SLC17A5: variants seen among roughly 807,000 people sequenced by gnomAD.
The protein encoded by SLC17A5 is solute carrier family 17 member 5.
A neutral mutation model predicts 59.4 loss-of-function variants in SLC17A5; 47 were observed. That is an observed-to-expected ratio of 0.79 (90% confidence interval 0.63 to 1.01). The LOEUF (loss-of-function observed/expected upper bound fraction) is 1.01, where lower values mean the gene tolerates loss of function less well. Among genes scored for constraint, SLC17A5 ranks in the 50% least tolerant of loss-of-function variants. SLC17A5 has a pLI of 0.00. For missense variants in SLC17A5, 522 were observed against 595.5 expected (o/e 0.88, Z 1.28); for synonymous variants, 202 against 210.7 (o/e 0.96, Z 0.36).
chr6:73,608,165 C>A (rs1343215990), intron 9 of SLC17A5, among the ~76,000 whole-genome samples: 1 of 152,166 alleles, frequency 6.6e-6, no homozygotes, highest in African/African-American at 2.4e-5. Context: ...TCCCCACCCC[C>A]ATCTGTGTAG....
intron 9 of SLC17A5, among the ~76,000 whole-genome samples, chr6:73,605,200 T>C (rs1265995659): frequency 6.6e-6 from 1 of 152,190 alleles, no homozygotes; most frequent in East Asian, 1.9e-4. Flanking sequence ...CCAATTTGTC[T>C]GATTCTGAAT....
At chr6:73,625,737 C>T (rs1442221779) in intron 6 of SLC17A5, among the ~76,000 whole-genome samples, 2 of 152,218 alleles carry the variant, frequency 1.3e-5, no homozygotes, top group African/African-American at 4.8e-5. Flanking sequence ...GCAGTGGGTT[C>T]CCAAACTTTG....
At chr6:73,649,031 T>A (rs1290276644) in intron 1 of SLC17A5, among the ~76,000 whole-genome samples, 1 of 151,782 alleles carries the variant, frequency 6.6e-6, no homozygotes, top group Non-Finnish European at 1.5e-5. Flanking sequence ...GGAGTCTTTC[T>A]CTGTCTCCCA....
intron 3 of SLC17A5, among the ~76,000 whole-genome samples, chr6:73,641,422 G>A (rs979839315): frequency 2.0e-5 from 3 of 152,146 alleles, no homozygotes; most frequent in Non-Finnish European, 4.4e-5. Flanking sequence ...CTCTCCTAAA[G>A]TATGAGCTAT....
chr6:73,601,681 G>A lies in SLC17A5; in HGVS notation c.1260-1240C>T, dbSNP rs1328356767. ...GCCCAGCCAGATGCCCCGTCCAGGAGGGAGGTGGGGTGGTCAGCCCCCCGC... is the reference window on the plus strand; with the variant it reads ...GCCCAGCCAGATGCCCCGTCCAGGAAGGAGGTGGGGTGGTCAGCCCCCCGC... On this transcript the variant is annotated intron_variant, in intron 9 of 10. Transcript: ENST00000355773. Among the ~76,000 whole-genome samples, 8 of 101,782 alleles carry A rather than the reference G, an allele frequency of 7.9e-5. 1 individual carries two copies. Among genetic ancestry groups the A allele is most frequent in the Non-Finnish European group, 1.7e-4 (8 of 48,062 alleles). The allele number at this position is 101,782 out of a possible 152,430, so 66.8% of individuals were successfully genotyped here.
chr6:73,638,020 G>A (rs1306666324), intron 4 of SLC17A5, among the ~76,000 whole-genome samples: 1 of 150,900 alleles, frequency 6.6e-6, no homozygotes, highest in Non-Finnish European at 1.5e-5. Flanking sequence ...ACAATTTAAG[G>A]ACAAAAACAC....
At chr6:73,645,447 A>G (rs1284013358) in intron 1 of SLC17A5, 1 of 985,216 alleles carries the variant, frequency 1.0e-6, no homozygotes, top group Non-Finnish European at 1.2e-6. Context: ...TCAAGCGTAA[A>G]GGGCTCACAG....
chr6:73,606,376 C>G (rs149576732), intron 9 of SLC17A5, among the ~76,000 whole-genome samples: 108 of 152,282 alleles, frequency 7.1e-4, no homozygotes, highest in African/African-American at 2.4e-3. Context: ...TCTCAGTCAG[C>G]TGAGAACCAG....
intron 8 of SLC17A5, among the ~76,000 whole-genome samples, chr6:73,612,449 G>C (rs1195367908): frequency 6.6e-6 from 1 of 152,158 alleles, no homozygotes; most frequent in Non-Finnish European, 1.5e-5. Flanking sequence ...AACAGCCACC[G>C]AGCCCAGCCA....
At chr6:73,615,706 G>A (rs1299460186) in intron 7 of SLC17A5, among the ~76,000 whole-genome samples, 3 of 152,010 alleles carry the variant, frequency 2.0e-5, no homozygotes, top group African/African-American at 7.2e-5. Context: ...AATCTTGACT[G>A]TTTCTCTGGG....
Position 73,594,254 on chromosome 6 carries a change from A to G in SLC17A5, c.*823T>C, listed in dbSNP as rs1459296170. The G allele has an allele frequency of 1.3e-5, 2 of 152,098 alleles. No homozygotes were observed. Among genetic ancestry groups the G allele is most frequent in the Non-Finnish European group, 2.9e-5 (2 of 68,062 alleles). 9.4% of individuals were successfully genotyped at this position (152,098 alleles called of 1,614,324 possible). A position where few individuals can be genotyped will look rare whatever the true frequency, so the allele number is the denominator to read the frequency against. ...AGGCTGGTCTCGAACTCCTGATCTC[A>G]TGATTCGCCCACCTCAGCCCCCCAA... On this transcript the variant is annotated 3_prime_UTR_variant, in exon 11 of 11. Transcript: ENST00000355773.
intron 8 of SLC17A5, among the ~76,000 whole-genome samples, chr6:73,613,023 C>T (rs888205569): frequency 6.8e-5 from 10 of 147,300 alleles, no homozygotes; most frequent in African/African-American, 2.6e-4. Context: ...TCCTGGCCAA[C>T]GGAGCAAGAC....
intron 1 of SLC17A5, among the ~76,000 whole-genome samples, chr6:73,646,174 T>C (rs1251478995): frequency 1.3e-5 from 2 of 152,218 alleles, no homozygotes; most frequent in Non-Finnish European, 2.9e-5. Context: ...TAAATGTGTG[T>C]ATGTTTTTCC....
At chr6:73,639,379 T>G (rs891748055) in intron 3 of SLC17A5, among the ~76,000 whole-genome samples, 1 of 152,154 alleles carries the variant, frequency 6.6e-6, no homozygotes, top group Non-Finnish European at 1.5e-5. Flanking sequence ...GAATAAATGT[T>G]TTAATACTTT....
chr6:73,630,015 T>C (rs1257182399), intron 6 of SLC17A5, among the ~76,000 whole-genome samples: 3 of 151,230 alleles, frequency 2.0e-5, no homozygotes, highest in African/African-American at 2.4e-5. Context: ...TTTTTTGAGA[T>C]AGAGTCTTGC....
At chr6:73,631,049 A>G (rs1339995116) in intron 6 of SLC17A5, among the ~76,000 whole-genome samples, 1 of 143,116 alleles carries the variant, frequency 7.0e-6, no homozygotes, top group Non-Finnish European at 1.5e-5. Context: ...TCTGTCTCAA[A>G]AGAAAAAAAA....
At chr6:73,646,345 T>G (rs1769562505) in intron 1 of SLC17A5, among the ~76,000 whole-genome samples, 1 of 152,226 alleles carries the variant, frequency 6.6e-6, no homozygotes, top group South Asian at 2.1e-4. Context: ...TATATTATGA[T>G]CCAACTCACT....
chr6:73,627,922 CTTT>C (rs10672268), intron 6 of SLC17A5, among the ~76,000 whole-genome samples: 8 of 140,818 alleles, frequency 5.7e-5, no homozygotes, highest in Admixed American at 7.1e-5. Context: ...GTGCCTGCCA[CTTT>C]TTTTTTTTTT....
chr6:73,650,197 C>CAAAAA (rs756204732), intron 1 of SLC17A5, among the ~76,000 whole-genome samples: 1 of 39,032 alleles, frequency 2.6e-5, no homozygotes, highest in African/African-American at 6.3e-5. Flanking sequence ...CTTTTTTCTA[C>CAAAAA]AAAAAAAAAA....
Sources: allele counts gnomAD v4.1 joint callset (sites outside exome capture counted in the v4.1 genomes callset), GRCh38; gene constraint gnomAD v4.1.1; transcripts MANE v1.5; gene names NCBI Gene and HGNC (gene_info 2026-07-23, HGNC 2026-07-21).